PKD1: variants seen among roughly 807,000 people sequenced by gnomAD.
The protein encoded by PKD1 is polycystin 1, transient receptor potential channel interacting.
PKD1 carries 81 observed loss-of-function variants against 361.7 expected under a neutral mutation model. The observed-to-expected ratio is 0.22, with a 90% confidence interval of 0.19 to 0.27. The LOEUF (loss-of-function observed/expected upper bound fraction) is 0.27, where lower values mean the gene tolerates loss of function less well. Among genes scored for constraint, PKD1 ranks in the 10% least tolerant of loss-of-function variants. The probability of loss-of-function intolerance (pLI) is 1.00; values close to 1 mark genes in which losing one functional copy is unlikely to be tolerated. For missense variants in PKD1, 6,399 were observed against 6,118.3 expected (o/e 1.05, Z -1.53); for synonymous variants, 3,615 against 2,818.3 (o/e 1.28, Z -8.95).
intron 25 of PKD1, 59 bp downstream of exon 25, chr16:2,102,322 G>C: frequency 6.6e-7 from 1 of 1,510,918 alleles, no homozygotes; most frequent in Non-Finnish European, 9.0e-7. Context: ...GGATAGAGCC[G>C]AGCCCACCCA....
chr16:2,133,442 A>C (rs1446004604), intron 1 of PKD1, among the ~76,000 whole-genome samples: 1 of 146,180 alleles, frequency 6.8e-6, no homozygotes, highest in East Asian at 1.9e-4. Flanking sequence ...CCAGACAGCA[A>C]CGCTCTTGGA....
Position 2,103,323 on chromosome 16 carries a change from C to G in PKD1, c.8734G>C (p.Asp2912His). Reference sequence around the variant, plus strand: ...AGCCCGGCCGCAGGGTTGCTGCTGTCCAGGGTGACCACAGCACCGACGGAG... The same window carrying G: ...AGCCCGGCCGCAGGGTTGCTGCTGTGCAGGGTGACCACAGCACCGACGGAG... ...QASVGAVVTL[D>H]SSNPAAGLHL... The change falls in exon 23 of 46, where the codon GAC (aspartate) becomes CAC (histidine). Residue 2912 changes from aspartate (D) to histidine (H), a missense_variant. Asp to His is a moderately conservative substitution (Grantham distance 81). Coordinates refer to ENST00000262304, the MANE Select transcript of PKD1 (RefSeq NM_001009944.3). The G allele has an allele frequency of 1.2e-6, 2 of 1,607,678 alleles. No individual in the cohort carries two copies. Among genetic ancestry groups the G allele is most frequent in the Admixed American group, 1.7e-5 (1 of 59,998 alleles).
chr16:2,107,827 T>C (rs1221440986), intron 16 of PKD1, 56 bp downstream of exon 16: 22 of 1,512,354 alleles, frequency 1.5e-5, no homozygotes, highest in East Asian at 2.5e-5. Flanking sequence ...AAACAGTAGA[T>C]GACCAGGGAG....
chr16:2,135,552 G>A lies in PKD1; in HGVS notation c.138C>T (p.Ala46=), dbSNP rs1042072043. Residue 46 remains alanine (A), a synonymous_variant, in exon 1 of 46, where the codon GCC becomes GCT. Coordinates refer to ENST00000262304, the MANE Select transcript of PKD1 (RefSeq NM_001009944.3). ...CGCGGCCCGAGCAGTTGACGCGGCAGGCGGCGCCGGGCGCTGGGCCGCAGA... is the reference window on the plus strand; with the variant it reads ...CGCGGCCCGAGCAGTTGACGCGGCAAGCGGCGCCGGGCGCTGGGCCGCAGA... ...PCLCGPAPGA[A]CRVNCSGRGL... 3.0e-5 allele frequency: 34 copies of A among 1,127,082 alleles called. No individual in the cohort carries two copies. In the Admixed American group the frequency reaches 1.2e-3, roughly 41 times the overall value. The allele number at this position is 1,127,082 out of a possible 1,614,324, so 69.8% of individuals were successfully genotyped here.
At chr16:2,098,904 C>T (rs987549011) in intron 30 of PKD1, 1 of 146,518 alleles carries the variant, frequency 6.8e-6, no homozygotes, top group African/African-American at 2.8e-5. Flanking sequence ...AATCTCGGCT[C>T]ACTGCAAGCT....
At position 2,102,605 on chromosome 16, in the gene PKD1, G is replaced by A. The variant is rs1365636314; in HGVS notation, c.8977C>T (p.Leu2993=). 6 of 1,611,114 alleles carry A rather than the reference G, an allele frequency of 3.7e-6. No homozygotes were observed. Among genetic ancestry groups the A allele is most frequent in the Non-Finnish European group, 5.1e-6 (6 of 1,179,820 alleles). The change falls in exon 25 of 46, where the codon CTG becomes TTG. Residue 2993 remains leucine, a synonymous_variant. Transcript: ENST00000262304. ...GSRDPAGSYH[L]NLSSHFRWSA... ...CAGCGGAAGTGGCTGGAGAGGTTCA[G>A]ATGGTAACTCCCCGCTGGGTCTCTG...
At chr16:2,093,245 T>C (rs2091681955) in intron 37 of PKD1, 152 bp from the exon 38 acceptor site, 1 of 901,206 alleles carries the variant, frequency 1.1e-6, no homozygotes, top group South Asian at 1.5e-5. Context: ...GCCAGGGTAA[T>C]GGCAGCACAC....
At chr16:2,130,825 G>A (rs1735283576) in intron 1 of PKD1, among the ~76,000 whole-genome samples, 2 of 152,238 alleles carry the variant, frequency 1.3e-5, no homozygotes, top group South Asian at 4.1e-4. Flanking sequence ...GGCCCCGGGT[G>A]CTCCTATATT....
At chr16:2,121,336 G>C (rs1037826563) in intron 1 of PKD1, among the ~76,000 whole-genome samples, 2 of 150,888 alleles carry the variant, frequency 1.3e-5, no homozygotes, top group African/African-American at 4.9e-5. Context: ...CTGCACTCCA[G>C]CACCCCATCC....
Position 2,118,375 on chromosome 16 carries a change from T to G in PKD1, c.617A>C (p.Gln206Pro), listed in dbSNP as rs1310705960. 2 of 1,290,132 alleles carry G rather than the reference T, an allele frequency of 1.6e-6. No individual in the cohort carries two copies. The highest frequency in any genetic ancestry group is 2.5e-5 in the South Asian group (2 of 79,364). 79.9% of individuals were successfully genotyped at this position (1,290,132 alleles called of 1,614,324 possible). ...GCAGAAGGCGCTGCAGGCCTCTGGC[T>G]GAAGCAGGCCTTCGTGGGCAGCTGA... ...SFSAAHEGLL[Q>P]PEACSAFCFS... Residue 206 changes from glutamine to proline, a missense_variant, in exon 5 of 46, where the codon CAG (glutamine) becomes CCG (proline). Coordinates refer to ENST00000262304, the MANE Select transcript of PKD1 (RefSeq NM_001009944.3). The surrounding 1 kb of genome is among the most constrained non-coding windows in gnomAD (Gnocchi z 6.0).
Position 2,115,744 on chromosome 16 carries a change from A to G in PKD1, c.1850-119T>C, listed in dbSNP as rs538731911. 1.8e-5 allele frequency: 19 copies of G among 1,067,372 alleles called. No homozygotes were observed. The Admixed American group carries it at 3.8e-4, about 21-fold the overall frequency. The allele number at this position is 1,067,372 out of a possible 1,614,324, so 66.1% of individuals were successfully genotyped here. A position where few individuals can be genotyped will look rare whatever the true frequency, so the allele number is the denominator to read the frequency against. On this transcript the variant is annotated intron_variant, in intron 9 of 45. Transcript: ENST00000262304. ...TGAGGACAGGTCTCCCCACCTGGGCAGCACTCCCAGCCCAGTGCTGCGTCC... is the reference window on the plus strand; with the variant it reads ...TGAGGACAGGTCTCCCCACCTGGGCGGCACTCCCAGCCCAGTGCTGCGTCC...
Position 2,093,055 on chromosome 16 carries a change from C to T in PKD1, c.11055G>A (p.Leu3685=), listed in dbSNP as rs1357783128. 1 of 1,612,858 alleles carries T rather than the reference C, an allele frequency of 6.2e-7. No homozygotes were observed. Among genetic ancestry groups the T allele is most frequent in the Admixed American group, 1.7e-5 (1 of 60,026 alleles). ...LVYMLFLLVT[L]LASYGDASCH... ...ATGAGGCATCCCCATAGCTGGCCAG[C>T]AGGGTCACCAGCAGAAAAAGCATGT... Residue 3685 remains leucine (L), a synonymous_variant, in exon 38 of 46, where the codon CTG becomes CTA. Coordinates refer to ENST00000262304, the MANE Select transcript of PKD1 (RefSeq NM_001009944.3).
Position 2,110,034 on chromosome 16 carries a change from G to A in PKD1, c.5133C>T (p.Thr1711=). ...NMLGSAWADC[T]MDFVEPVGWL... is the part of the protein sequence containing the mutation. ...ACCCCACAGGCTCCACGAAGTCCAT[G>A]GTGCAGTCGGCCCAGGCGCTGCCCA... The change falls in exon 15 of 46, where the codon ACC becomes ACT. Residue 1711 remains threonine (T), a synonymous_variant. Transcript: ENST00000262304. The A allele has an allele frequency of 6.2e-7, 1 of 1,610,528 alleles. No individual in the cohort carries two copies. The highest frequency in any genetic ancestry group is 8.5e-7 in the Non-Finnish European group (1 of 1,179,700).
rs141412586 is a variant in PKD1 at position 2,089,988 on chromosome 16, G to A, written c.12651C>T (p.Ala4217=). Reference sequence around the variant, plus strand: ...ACTGGGTGAGCAGGGCCTCGAACACGGCTTGGAGGCGGGAGGGCTCAGGCT... The same window carrying A: ...ACTGGGTGAGCAGGGCCTCGAACACAGCTTGGAGGCGGGAGGGCTCAGGCT... The part of the protein sequence containing the change: ...RCEPEPSRLQ[A]VFEALLTQFD... The change falls in exon 46 of 46, where the codon GCC becomes GCT. Residue 4217 remains alanine (A), a synonymous_variant. Transcript: ENST00000262304. The A allele has an allele frequency of 3.2e-4, 523 of 1,611,488 alleles. No individual in the cohort carries two copies. Among genetic ancestry groups the A allele is most frequent in the Non-Finnish European group, 2.7e-4 (317 of 1,179,524 alleles).
Position 2,110,198 on chromosome 16 carries a change from T to C in PKD1, c.4969A>G (p.Arg1657Gly), listed in dbSNP as rs758541716. 4 of 1,611,584 alleles carry C rather than the reference T, an allele frequency of 2.5e-6. No individual in the cohort carries two copies. The highest frequency in any genetic ancestry group is 3.4e-6 in the Non-Finnish European group (4 of 1,179,800). The change falls in exon 15 of 46, where the codon AGG (arginine) becomes GGG (glycine). Residue 1657 changes from arginine to glycine, a missense_variant. Transcript: ENST00000262304. ...NHTVQLQAVV[R>G]DGTNVSYSWT... ...CTGTAGGAGACGTTGGTGCCATCCC[T>C]AACCACGGCCTGCAGCTGTACCGTG...
At position 2,118,866 on chromosome 16, in the gene PKD1, T is replaced by A. The variant is rs1015152144; in HGVS notation, c.360-21A>T. ...GGTTTCTGCAGGGCAGGGGCAGGTGTTGGGGACCAGGTCTGGTGGGAAGGG... is the reference window on the plus strand; with the variant it reads ...GGTTTCTGCAGGGCAGGGGCAGGTGATGGGGACCAGGTCTGGTGGGAAGGG... On this transcript the variant is annotated intron_variant, in intron 3 of 45. Coordinates refer to ENST00000262304, the MANE Select transcript of PKD1 (RefSeq NM_001009944.3). The surrounding 1 kb of genome is among the most constrained non-coding windows in gnomAD (Gnocchi z 6.0). The A allele has an allele frequency of 1.9e-6, 3 of 1,590,958 alleles. No homozygotes were observed. In the African/African-American group the frequency reaches 4.0e-5, roughly 21 times the overall value.
intron 34 of PKD1, among the ~76,000 whole-genome samples, chr16:2,096,511 A>G (rs1296931069): frequency 6.6e-6 from 1 of 151,908 alleles, no homozygotes; most frequent in Non-Finnish European, 1.5e-5. Context: ...CAACCAAGAA[A>G]TTGAGGAATT....
At chr16:2,094,232 GA>G (rs1567159881) in intron 34 of PKD1, 22 bp from the exon 35 acceptor site, 1 of 1,446,462 alleles carries the variant, frequency 6.9e-7, no homozygotes, top group Non-Finnish European at 9.7e-7. Flanking sequence ...GGTAGGCTGT[GA>G]ATTCATCCCG....
In PKD1 at chr16:2,092,965, C is replaced by G. The variant is rs1474765883; in HGVS notation, c.11145G>C (p.Leu3715=). ...IKQELHSRAF[L]AITRSEELWP... ...CCGGATGCCCGTACCGCGTGATGGC[C>G]AGGAAGGCCCGGCTGTGCAGCTCCT... Residue 3715 remains leucine, a synonymous_variant, in exon 38 of 46, where the codon CTG becomes CTC. Transcript: ENST00000262304. 4 of 1,613,046 alleles carry G rather than the reference C, an allele frequency of 2.5e-6. No homozygotes were observed. The highest frequency in any genetic ancestry group is 3.4e-6 in the Non-Finnish European group (4 of 1,180,018).
Sources: gnomAD v4.1 joint callset for allele counts (sites outside exome capture counted in the v4.1 genomes callset) on GRCh38, gnomAD v4.1.1 for gene constraint, Gnocchi (gnomAD v3.1) non-coding constraint, MANE v1.5 for transcripts, NCBI Gene and HGNC (gene_info 2026-07-23, HGNC 2026-07-21) for gene names.